The following PRIM2 variants were observed in gnomAD, a reference collection of about 807,000 sequenced individuals.
The protein encoded by PRIM2 is DNA primase subunit 2.
In PRIM2, 39 loss-of-function variants were observed where a neutral mutation model predicts 67.3. That is an observed-to-expected ratio of 0.58 (90% CI 0.45 to 0.76). The LOEUF (loss-of-function observed/expected upper bound fraction) is 0.76, where lower values mean the gene tolerates loss of function less well. Among genes scored for constraint, PRIM2 ranks in the 30% least tolerant of loss-of-function variants. PRIM2 has a pLI of 0.00. For synonymous variants in PRIM2, 143 were observed against 198.7 expected (o/e 0.72, Z 2.36); for missense variants, 398 against 598.7 (o/e 0.66, Z 3.50).
chr6:57,587,655 ACT>A (rs1221417346), intron 10 of PRIM2, among the ~76,000 whole-genome samples: 31 of 101,762 alleles, frequency 3.0e-4, no homozygotes, highest in African/African-American at 1.2e-3. Context: ...CAAGAGTGAG[ACT>A]CTGTCTCAAA....
intron 10 of PRIM2, among the ~76,000 whole-genome samples, chr6:57,598,822 G>GA (rs1582012609): frequency 6.7e-6 from 1 of 148,742 alleles, no homozygotes; most frequent in African/African-American, 2.5e-5. Flanking sequence ...CTGAACCTGA[G>GA]AAGGGGGTTG....
rs534882357 is a variant in PRIM2, at chr6:57,385,368, C to T, written c.693+3200C>T. ...TACTTTAAAAAAATTTGAAATATCA[C>T]AGACTTACAGAAAATTAAGTAGAAA... On this transcript the variant is annotated intron_variant, in intron 7 of 13. Coordinates refer to ENST00000615550, the MANE Select transcript of PRIM2 (RefSeq NM_000947.5). Among the ~76,000 whole-genome samples, 6 of 152,250 alleles carry T rather than the reference C, an allele frequency of 3.9e-5. No homozygotes were observed. The East Asian group carries it at 1.2e-3, about 29-fold the overall frequency.
At chr6:57,356,532 T>C (rs969423717) in intron 5 of PRIM2, among the ~76,000 whole-genome samples, 2 of 152,218 alleles carry the variant, frequency 1.3e-5, no homozygotes, top group African/African-American at 4.8e-5. Context: ...TTCAGTAGTA[T>C]AAAGCTAATA....
At chr6:57,388,062 C>T (rs560769321) in intron 7 of PRIM2, among the ~76,000 whole-genome samples, 1 of 152,198 alleles carries the variant, frequency 6.6e-6, no homozygotes, top group Non-Finnish European at 1.5e-5. Flanking sequence ...GTAGCTAGAG[C>T]ATAGTGAGCT....
the PRIM2 span, among the ~76,000 whole-genome samples, chr6:57,228,446 C>T: frequency 1.3e-5 from 2 of 152,178 alleles, no homozygotes; most frequent in Non-Finnish European, 2.9e-5. Flanking sequence ...ATTTCATTTA[C>T]CCATAACTAG....
At chr6:57,423,635 G>GTT (rs1053400337) in intron 7 of PRIM2, among the ~76,000 whole-genome samples, 1 of 152,184 alleles carries the variant, frequency 6.6e-6, no homozygotes, top group African/African-American at 2.4e-5. Flanking sequence ...CGTGGTCATT[G>GTT]TTAAATCCCC....
chr6:57,365,418 A>G (rs533863399), intron 5 of PRIM2, among the ~76,000 whole-genome samples: 483 of 151,566 alleles, frequency 3.2e-3, no homozygotes, highest in Non-Finnish European at 4.2e-3. Flanking sequence ...TATTAGCGGA[A>G]TTGAACATTA....
At chr6:57,364,728 C>T (rs1362176442) in intron 5 of PRIM2, among the ~76,000 whole-genome samples, 2 of 151,856 alleles carry the variant, frequency 1.3e-5, no homozygotes, top group African/African-American at 2.4e-5. Context: ...CTACCTTGCC[C>T]CTTGAGACTG....
intron 7 of PRIM2, among the ~76,000 whole-genome samples, chr6:57,420,018 T>A (rs1468671967): frequency 6.6e-6 from 1 of 152,198 alleles, no homozygotes; most frequent in Non-Finnish European, 1.5e-5. Flanking sequence ...GTGGTGGATG[T>A]GAGCAGAGAC....
intron 11 of PRIM2, among the ~76,000 whole-genome samples, chr6:57,603,149 T>C (rs1301413029): frequency 6.6e-6 from 1 of 152,238 alleles, no homozygotes; most frequent in Admixed American, 6.5e-5. Context: ...CCTTTTGGGA[T>C]TTCATTTACA....
intron 5 of PRIM2, among the ~76,000 whole-genome samples, chr6:57,352,018 C>T (rs966559666): frequency 6.6e-6 from 1 of 152,080 alleles, no homozygotes; most frequent in Admixed American, 6.6e-5. Flanking sequence ...ATGTAAATTG[C>T]ATAGAGCTTG....
Position 57,364,640 on chromosome 6 carries a change from G to A in PRIM2, c.460-15261G>A, listed in dbSNP as rs558458437. Among the ~76,000 whole-genome samples, 201 of 152,042 alleles carry A rather than the reference G, an allele frequency of 1.3e-3. 5 individuals are homozygous for A. In the East Asian group the frequency reaches 0.017, roughly 13 times the overall value. ...CACTCTTTCTCTGAAGATGTTCTTC[G>A]TTTGGGTCTCCAGTTTAATATAGGG... On this transcript the variant is annotated intron_variant, in intron 5 of 13. Coordinates refer to ENST00000615550, the MANE Select transcript of PRIM2 (RefSeq NM_000947.5).
At chr6:57,270,058 G>A in the PRIM2 span, among the ~76,000 whole-genome samples, 1 of 152,080 alleles carries the variant, frequency 6.6e-6, no homozygotes, top group Non-Finnish European at 1.5e-5. Context: ...TTGAAGTCAG[G>A]TAGCATGATG....
chr6:57,568,232 T>C (rs1169122574), intron 10 of PRIM2, among the ~76,000 whole-genome samples: 2 of 152,242 alleles, frequency 1.3e-5, no homozygotes, highest in African/African-American at 4.8e-5. Flanking sequence ...TCTAGGTGGA[T>C]AGGTAGGAAA....
Position 57,320,557 on chromosome 6 carries a change from C to A in PRIM2, c.255C>A (p.Tyr85Ter), listed in dbSNP as rs772184875. ...ESELRKLKFS[Y>*]RENLEDEYEP... is the part of the protein sequence containing the mutation. ...AGCTTCGGAAGCTCAAGTTTTCCTA[C>A]AGAGTAAGTAAAAAAGGAAAAAAAA... Residue 85 changes from tyrosine (Y) to a stop codon, truncating the protein, a stop_gained, in exon 3 of 14, where the codon TAC becomes TAA. Transcript: ENST00000615550. LOFTEE classifies it high-confidence loss of function. 1.3e-6 allele frequency: 2 copies of A among 1,593,258 alleles called. No individual in the cohort carries two copies. The highest frequency in any genetic ancestry group is 2.3e-5 in the South Asian group (2 of 87,726).
chr6:57,371,130 T>TG (rs1769543498), intron 5 of PRIM2, among the ~76,000 whole-genome samples: 2 of 151,328 alleles, frequency 1.3e-5, no homozygotes, highest in Non-Finnish European at 1.5e-5. Context: ...GAGGTTTGTT[T>TG]TTTTTTTTTT....
chr6:57,540,724 G>A lies in PRIM2; in HGVS notation c.1020+3099G>A, dbSNP rs1241135861. Among the ~76,000 whole-genome samples the A allele has an allele frequency of 5.2e-3, 795 of 152,232 alleles. 6 individuals carry two copies. Among genetic ancestry groups the A allele is most frequent in the African/African-American group, 0.018 (766 of 41,546 alleles). On this transcript the variant is annotated intron_variant, in intron 10 of 13. Transcript: ENST00000615550. ...CACAAATGTACAGACCATACATGGTGCTATTCCCAGTAGAGAGAAATGTAA... is the reference window on the plus strand; with the variant it reads ...CACAAATGTACAGACCATACATGGTACTATTCCCAGTAGAGAGAAATGTAA...
chr6:57,240,106 T>TTTTTG, the PRIM2 span, among the ~76,000 whole-genome samples: 1 of 146,022 alleles, frequency 6.8e-6, no homozygotes, highest in Admixed American at 6.9e-5. Flanking sequence ...TTTTTTTTTT[T>TTTTTG]TTTTTTTTTT....
chr6:57,494,367 C>A (rs1773960702), intron 7 of PRIM2, among the ~76,000 whole-genome samples: 1 of 152,044 alleles, frequency 6.6e-6, no homozygotes, highest in Admixed American at 6.6e-5. Flanking sequence ...CACTTTTAGA[C>A]CAGCATCTTT....
Sources: gnomAD v4.1 joint callset for allele counts (sites outside exome capture counted in the v4.1 genomes callset) on GRCh38, gnomAD v4.1.1 for gene constraint, MANE v1.5 for transcripts, NCBI Gene and HGNC (gene_info 2026-07-23, HGNC 2026-07-21) for gene names.